The following CMSS1 variants were observed in gnomAD, a reference collection of about 807,000 sequenced individuals.
CMSS1 encodes the protein cms1 ribosomal small subunit homolog.
A neutral mutation model predicts 43.5 loss-of-function variants in CMSS1; 33 were observed. That is an observed-to-expected ratio of 0.76 (90% CI 0.57 to 1.01). The LOEUF is 1.01. CMSS1 is among the 50% of genes least tolerant of loss of function. The pLI, the probability that CMSS1 is intolerant of heterozygous loss-of-function variation, is 0.00. For missense variants in CMSS1, 313 were observed against 326.4 expected, an observed-to-expected ratio of 0.96 and a Z score of 0.32; for synonymous variants, 115 against 117.2, an observed-to-expected ratio of 0.98 and a Z score of 0.12.
chr3:99,884,196 A>G (rs1015501303), intron 1 of CMSS1, among the ~76,000 whole-genome samples: 7 of 152,170 alleles, frequency 4.6e-5, no homozygotes, highest in Non-Finnish European at 7.4e-5. Context: ...GTGCTTTTTT[A>G]CTGAAGAATT....
intron 1 of CMSS1, among the ~76,000 whole-genome samples, chr3:99,917,295 A>G (rs1029856125): frequency 1.3e-5 from 2 of 152,124 alleles, no homozygotes; most frequent in Non-Finnish European, 2.9e-5. Context: ...TTCTTCCTAA[A>G]TTATCTACAG....
chr3:99,988,341 C>CAAAAAA (rs63321762), intron 1 of CMSS1, among the ~76,000 whole-genome samples: 1 of 62,328 alleles, frequency 1.6e-5, no homozygotes, highest in Admixed American at 2.0e-4. Context: ...ACTAAAAATC[C>CAAAAAA]AAAAAAAAAA....
chr3:99,947,886 A>G (rs927774774), intron 1 of CMSS1, among the ~76,000 whole-genome samples: 10 of 152,074 alleles, frequency 6.6e-5, no homozygotes, highest in African/African-American at 2.4e-4. Flanking sequence ...TTATTTGCAC[A>G]TTTTTTCCTT....
chr3:99,858,395 G>T (rs534914124), intron 1 of CMSS1, among the ~76,000 whole-genome samples: 18 of 152,174 alleles, frequency 1.2e-4, no homozygotes, highest in South Asian at 4.1e-4. Context: ...AACCCGTGAG[G>T]CAGAGGTTGC....
intron 1 of CMSS1, among the ~76,000 whole-genome samples, chr3:99,933,861 A>G (rs189899251): frequency 1.3e-5 from 2 of 152,308 alleles, no homozygotes; most frequent in South Asian, 2.1e-4. Context: ...TTTGTGCCCA[A>G]CTGTCTCAGG....
chr3:100,119,287 C>T (rs756116454), intron 1 of CMSS1, among the ~76,000 whole-genome samples: 3 of 152,178 alleles, frequency 2.0e-5, no homozygotes, highest in Admixed American at 1.3e-4. Flanking sequence ...ATTCTTGTAG[C>T]AGAGCTAGAT....
chr3:99,956,052 G>A (rs1004614184), intron 1 of CMSS1, among the ~76,000 whole-genome samples: 1 of 152,148 alleles, frequency 6.6e-6, no homozygotes, highest in Non-Finnish European at 1.5e-5. Context: ...TTCATTGACT[G>A]ACACGTTTTT....
At chr3:99,878,761 G>A (rs1054822618) in intron 1 of CMSS1, among the ~76,000 whole-genome samples, 1 of 152,162 alleles carries the variant, frequency 6.6e-6, no homozygotes, top group African/African-American at 2.4e-5. Context: ...GAGGGAGCAG[G>A]ACCTTTAACT....
intron 1 of CMSS1, among the ~76,000 whole-genome samples, chr3:100,121,322 A>G (rs1487750721): frequency 6.0e-5 from 8 of 132,896 alleles, no homozygotes; most frequent in African/African-American, 2.3e-4. Flanking sequence ...GCTCCCACTT[A>G]TGAGTAAGAA....
intron 1 of CMSS1, among the ~76,000 whole-genome samples, chr3:99,875,506 T>C (rs759760757): frequency 6.6e-6 from 1 of 152,228 alleles, no homozygotes. Context: ...AATTGACATA[T>C]GCTTTTACGA....
At chr3:99,879,535 T>G (rs1361666510) in intron 1 of CMSS1, among the ~76,000 whole-genome samples, 1 of 152,228 alleles carries the variant, frequency 6.6e-6, no homozygotes, top group East Asian at 1.9e-4. Context: ...CTCCCTGCCT[T>G]TGTTTCTTCT....
At chr3:100,007,605 G>T (rs1490973005) in intron 1 of CMSS1, among the ~76,000 whole-genome samples, 2 of 152,188 alleles carry the variant, frequency 1.3e-5, no homozygotes, top group African/African-American at 4.8e-5. Context: ...GAGAGGCCCA[G>T]AATTGGCCCA....
At chr3:99,985,883 C>T (rs562205192) in intron 1 of CMSS1, among the ~76,000 whole-genome samples, 20 of 152,206 alleles carry the variant, frequency 1.3e-4, no homozygotes, top group South Asian at 8.3e-4. Context: ...GCCACCGCAC[C>T]GGGCCTGAGA....
At chr3:99,952,468 A>G (rs150851147) in intron 1 of CMSS1, among the ~76,000 whole-genome samples, 103 of 152,326 alleles carry the variant, frequency 6.8e-4, no homozygotes, top group Non-Finnish European at 1.2e-3. Context: ...GAACCAGTGT[A>G]AAGAATTCAG....
At chr3:99,849,759 TAGCTTC>T (rs1230831984) in intron 1 of CMSS1, 1 of 1,613,716 alleles carries the variant, frequency 6.2e-7, no homozygotes, top group East Asian at 2.2e-5. Flanking sequence ...TCATGTCCTT[TAGCTTC>T]AGTTTCAGTC....
intron 1 of CMSS1, among the ~76,000 whole-genome samples, chr3:99,974,364 A>G (rs1708907175): frequency 6.6e-6 from 1 of 152,164 alleles, no homozygotes; most frequent in African/African-American, 2.4e-5. Context: ...CCCATTTCTT[A>G]CCTTGTTGAC....
At chr3:100,132,153 C>T (rs1381317266) in intron 1 of CMSS1, among the ~76,000 whole-genome samples, 1 of 152,122 alleles carries the variant, frequency 6.6e-6, no homozygotes, top group Non-Finnish European at 1.5e-5. Context: ...CGCCTGTAAT[C>T]GCAGTGCTTT....
intron 2 of CMSS1, among the ~76,000 whole-genome samples, chr3:100,153,238 G>A (rs562262484): frequency 1.3e-5 from 2 of 152,094 alleles, no homozygotes; most frequent in Non-Finnish European, 2.9e-5. Flanking sequence ...CAACTGTTCC[G>A]ATATTTTTTC....
At chr3:100,076,403 C>T (rs948270194) in intron 1 of CMSS1, among the ~76,000 whole-genome samples, 3 of 152,368 alleles carry the variant, frequency 2.0e-5, no homozygotes, top group African/African-American at 7.2e-5. Flanking sequence ...ACCCGCCCAA[C>T]ACCCTTCTTT....
Sources: gnomAD v4.1 joint callset for allele counts (sites outside exome capture counted in the v4.1 genomes callset) on GRCh38, gnomAD v4.1.1 for gene constraint, MANE v1.5 for transcripts, NCBI Gene and HGNC (gene_info 2026-07-23, HGNC 2026-07-21) for gene names.